The following PCDHGA2 variants were observed in gnomAD, a reference collection of about 807,000 sequenced individuals.
PCDHGA2 encodes the protein protocadherin gamma-A2.
A neutral mutation model predicts 59.2 loss-of-function variants in PCDHGA2; 40 were observed. The ratio of observed to expected loss-of-function variants is 0.68; its 90% CI spans 0.52 to 0.88. The LOEUF (loss-of-function observed/expected upper bound fraction) is 0.88. Ranked by LOEUF, PCDHGA2 falls within the 40% of genes least tolerant of loss-of-function variation. The probability of loss-of-function intolerance (pLI) is 0.00; values close to 1 mark genes in which losing one functional copy is unlikely to be tolerated. For synonymous variants in PCDHGA2, 560 were observed against 526.0 expected (o/e 1.06, Z -0.89); for missense variants, 1,226 against 1,204.0 (o/e 1.02, Z -0.27).
chr5:141,366,186 T>C, intron 1 of PCDHGA2: 1 of 1,613,974 alleles, frequency 6.2e-7, no homozygotes, highest in Non-Finnish European at 8.5e-7. Context: ...CTCTTTGCGG[T>C]TGGGCTGCAC....
At chr5:141,368,540 A>AT (rs34785174) in intron 1 of PCDHGA2, among the ~76,000 whole-genome samples, 26 of 152,116 alleles carry the variant, frequency 1.7e-4, no homozygotes, top group South Asian at 6.2e-4. Flanking sequence ...TTGCTTTTCC[A>AT]TTTTTTTTAA....
At chr5:141,426,919 C>A (rs1220443930) in intron 1 of PCDHGA2, 3 of 456,620 alleles carry the variant, frequency 6.6e-6, no homozygotes, top group African/African-American at 6.0e-5. Context: ...GTCCTGGAAG[C>A]AATGGACATG....
intron 1 of PCDHGA2, chr5:141,430,820 G>C (rs1194897001): frequency 6.5e-7 from 1 of 1,541,598 alleles, no homozygotes; most frequent in East Asian, 2.3e-5. Context: ...AATCCTCCTG[G>C]GGACTCTGTG....
intron 1 of PCDHGA2, chr5:141,399,007 A>G (rs1403288140): frequency 6.2e-7 from 1 of 1,613,948 alleles, no homozygotes. Flanking sequence ...GAATTCAAAG[A>G]GCGGAGAAAT....
chr5:141,345,083 G>A lies in PCDHGA2; in HGVS notation c.2424+3688G>A, dbSNP rs766204587. The A allele has an allele frequency of 3.7e-6, 6 of 1,613,942 alleles. No individual in the cohort carries two copies. The South Asian group carries it at 6.6e-5, about 18-fold the overall frequency. On this transcript the variant is annotated intron_variant, in intron 1 of 3. Coordinates refer to ENST00000394576, the MANE Select transcript of PCDHGA2 (RefSeq NM_018915.4). ...ACAATGCTCCAGAAATTACAATCACGTCTCTCACAAGCTCAGTCCCAGAAG... is the reference window on the plus strand; with the variant it reads ...ACAATGCTCCAGAAATTACAATCACATCTCTCACAAGCTCAGTCCCAGAAG...
intron 1 of PCDHGA2, chr5:141,361,691 C>T (rs764200534): frequency 6.2e-7 from 1 of 1,613,382 alleles, no homozygotes; most frequent in East Asian, 2.2e-5. Flanking sequence ...GCGCAGCGCG[C>T]CTTCGATCAT....
intron 1 of PCDHGA2, among the ~76,000 whole-genome samples, chr5:141,481,109 A>G (rs959629019): frequency 6.6e-6 from 1 of 152,186 alleles, no homozygotes; most frequent in Non-Finnish European, 1.5e-5. Flanking sequence ...GGAACCTACC[A>G]ATCCATCATT....
In PCDHGA2 at chr5:141,431,797, A is replaced by T. The variant is rs754056771; in HGVS notation, c.2425-63010A>T. 6.2e-7 allele frequency: 1 copy of T among 1,614,256 alleles called. No homozygotes were observed. The highest frequency in any genetic ancestry group is 2.2e-5 in the East Asian group (1 of 44,882). ...TGGACGTGAACGACAATGCCCCAGAAGTGGTCCTCACCTCTCTCGCCAGCT... is the reference window on the plus strand; with the variant it reads ...TGGACGTGAACGACAATGCCCCAGATGTGGTCCTCACCTCTCTCGCCAGCT... On this transcript the variant is annotated intron_variant, in intron 1 of 3. Coordinates refer to ENST00000394576, the MANE Select transcript of PCDHGA2 (RefSeq NM_018915.4). This position sits in a 1 kb window ranked among gnomAD's most constrained non-coding sequence, Gnocchi z 4.8.
chr5:141,414,185 T>C lies in PCDHGA2; in HGVS notation c.2424+72790T>C, dbSNP rs374044785. ...GGAGCATATCTTGCAACTGCAAAAG[T>C]GTTGATTACAGTAGAAGATGTAAAT... On this transcript the variant is annotated intron_variant, in intron 1 of 3. Transcript: ENST00000394576. The C allele has an allele frequency of 1.2e-5, 19 of 1,609,558 alleles. No homozygotes were observed. The highest frequency in any genetic ancestry group is 1.6e-5 in the Non-Finnish European group (19 of 1,177,778).
chr5:141,472,454 C>T (rs538141635), intron 1 of PCDHGA2, among the ~76,000 whole-genome samples: 3 of 151,192 alleles, frequency 2.0e-5, no homozygotes, highest in South Asian at 4.2e-4. Context: ...GCAGGAGAAT[C>T]GCTTGAACCC....
chr5:141,436,414 A>G (rs1459862288), intron 1 of PCDHGA2, among the ~76,000 whole-genome samples: 1 of 152,234 alleles, frequency 6.6e-6, no homozygotes, highest in East Asian at 1.9e-4. Flanking sequence ...ATGAATGGAT[A>G]AACAAATAAT....
intron 1 of PCDHGA2, chr5:141,343,234 C>G: frequency 2.2e-6 from 2 of 895,570 alleles, no homozygotes. Flanking sequence ...TATTAAATAA[C>G]AACAAATATC....
chr5:141,383,766 A>G (rs1265444749), intron 1 of PCDHGA2: 6 of 1,613,894 alleles, frequency 3.7e-6, no homozygotes, highest in Non-Finnish European at 5.1e-6. Context: ...CTAAACTTCC[A>G]AAGATGTTTC....
At chr5:141,383,700 C>G in intron 1 of PCDHGA2, 1 of 1,613,936 alleles carries the variant, frequency 6.2e-7, no homozygotes, top group South Asian at 1.1e-5. Flanking sequence ...TACATGCTAT[C>G]GACCTGGACG....
Position 141,341,691 on chromosome 5 carries a change from C to T in PCDHGA2, c.2424+296C>T, listed in dbSNP as rs1049309704. The T allele has an allele frequency of 4.8e-5, 27 of 560,616 alleles. No homozygotes were observed. In the East Asian group the frequency reaches 8.2e-4, roughly 17 times the overall value. The allele number at this position is 560,616 out of a possible 1,614,324, so 34.7% of individuals were successfully genotyped here. The stretch of plus-strand genomic sequence containing the variant: ...GTTTCTTATACTTTCTTCTCCATCC[C>T]TGGGCAAATCATCTCATCCACCCAG... On this transcript the variant is annotated intron_variant, in intron 1 of 3. Transcript: ENST00000394576.
chr5:141,343,985 C>T (rs776739047), intron 1 of PCDHGA2: 8 of 1,448,200 alleles, frequency 5.5e-6, no homozygotes, highest in Non-Finnish European at 7.4e-6. Flanking sequence ...TGGAGTCCGT[C>T]GTAGGAAACT....
chr5:141,345,886 C>T lies in PCDHGA2; in HGVS notation c.2424+4491C>T, dbSNP rs569851856. 8.7e-6 allele frequency: 14 copies of T among 1,613,424 alleles called. No individual in the cohort carries two copies. The East Asian group carries it at 1.6e-4, about 18-fold the overall frequency. On this transcript the variant is annotated intron_variant, in intron 1 of 3. Coordinates refer to ENST00000394576, the MANE Select transcript of PCDHGA2 (RefSeq NM_018915.4). ...AAGGCCAGCGAGCCGGGACTCTTCT[C>T]GGTGGGTCTGCACACGGGCGAGGTG... is the stretch of plus-strand genomic sequence containing the variant.
Position 141,432,253 on chromosome 5 carries a change from G to A in PCDHGA2, c.2425-62554G>A, listed in dbSNP as rs1193159615. ...CCCTGGCTGAGAACACCATCCAAGGGGCAAGCCTATCGTCCTACGTGTCCA... is the reference window on the plus strand; with the variant it reads ...CCCTGGCTGAGAACACCATCCAAGGAGCAAGCCTATCGTCCTACGTGTCCA... On this transcript the variant is annotated intron_variant, in intron 1 of 3. Coordinates refer to ENST00000394576, the MANE Select transcript of PCDHGA2 (RefSeq NM_018915.4). The surrounding 1 kb of genome is among the most constrained non-coding windows in gnomAD (Gnocchi z 6.0). 2.5e-6 allele frequency: 4 copies of A among 1,614,086 alleles called. No individual in the cohort carries two copies. Among genetic ancestry groups the A allele is most frequent in the Non-Finnish European group, 3.4e-6 (4 of 1,180,046 alleles).
At chr5:141,362,573 T>A in intron 1 of PCDHGA2, 1 of 1,605,780 alleles carries the variant, frequency 6.2e-7, no homozygotes, top group South Asian at 1.1e-5. Flanking sequence ...TTTAATTAAT[T>A]TATTTTCACT....
Sources: allele counts gnomAD v4.1 joint callset (sites outside exome capture counted in the v4.1 genomes callset), GRCh38; gene constraint gnomAD v4.1.1; non-coding constraint Gnocchi (gnomAD v3.1); transcripts MANE v1.5; gene names NCBI Gene and HGNC (gene_info 2026-07-23, HGNC 2026-07-21).